The following PAMR1 variants were observed in gnomAD, a reference collection of about 807,000 sequenced individuals.
PAMR1 encodes inactive serine protease PAMR1.
A neutral mutation model predicts 81.8 loss-of-function variants in PAMR1; 88 were observed. The observed-to-expected ratio is 1.08, with a 90% CI of 0.91 to 1.28. The LOEUF (loss-of-function observed/expected upper bound fraction) is 1.28. Among genes scored for constraint, PAMR1 ranks in the 50% most tolerant of loss-of-function variants. The pLI is 0.00. For missense variants in PAMR1, 935 were observed against 919.7 expected, an observed-to-expected ratio of 1.02 and a Z score of -0.21; for synonymous variants, 336 against 345.3, an observed-to-expected ratio of 0.97 and a Z score of 0.30.
chr11:35,436,656 TCA>T (rs34951313), intron 8 of PAMR1, among the ~76,000 whole-genome samples: 11,800 of 144,306 alleles, frequency 0.082, 517 homozygotes, highest in Admixed American at 0.15. Flanking sequence ...TCTCTCTCTG[TCA>T]CACACACACA....
In PAMR1 at chr11:35,456,076, A is replaced by C. The variant is rs577300776; in HGVS notation, c.820+11925T>G. On this transcript the variant is annotated intron_variant, in intron 6 of 10. Coordinates refer to ENST00000619888, the MANE Select transcript of PAMR1 (RefSeq NM_001001991.3). ...TTACTTCTTTGGGCCAACTCAATTC[A>C]TTCTGACCAGAAAAGGAGAAAGACA... is the stretch of plus-strand genomic sequence containing the variant. Among the ~76,000 whole-genome samples the C allele has an allele frequency of 2.6e-5, 4 of 152,332 alleles. No homozygotes were observed. In the South Asian group the frequency reaches 8.3e-4, roughly 32 times the overall value.
intron 4 of PAMR1, among the ~76,000 whole-genome samples, chr11:35,473,581 C>G (rs7949277): frequency 0.68 from 103,292 of 152,036 alleles, 35,361 homozygotes; most frequent in African/African-American, 0.77. Context: ...CCCAACCCCA[C>G]GTCCTCAGGG....
chr11:35,500,488 G>C (rs538118496), intron 1 of PAMR1, among the ~76,000 whole-genome samples: 1 of 152,142 alleles, frequency 6.6e-6, no homozygotes, highest in Non-Finnish European at 1.5e-5. Flanking sequence ...GAAGACATTG[G>C]TCAAACGACC....
intron 6 of PAMR1, among the ~76,000 whole-genome samples, chr11:35,463,602 T>C (rs1289654958): frequency 6.6e-6 from 1 of 152,206 alleles, no homozygotes; most frequent in Non-Finnish European, 1.5e-5. Flanking sequence ...CCCAGTTTCC[T>C]ACACGGTGGC....
At chr11:35,522,560 G>A (rs559397347) in intron 1 of PAMR1, among the ~76,000 whole-genome samples, 52 of 152,262 alleles carry the variant, frequency 3.4e-4, no homozygotes, top group Admixed American at 2.6e-3. Flanking sequence ...ATAATATTCC[G>A]TCGTAGGTGT....
chr11:35,492,119 G>C lies in PAMR1; in HGVS notation c.305C>G (p.Thr102Ser). The change falls in exon 3 of 11, where the codon ACC (threonine) becomes AGC (serine). Residue 102 changes from threonine (T) to serine (S), a missense_variant. Transcript: ENST00000619888. ...KSCRNGSWGG[T>S]LDDFYVKGFY... Reference sequence around the variant, plus strand: ...CCCCTTCACATAGAAGTCATCCAAGGTACCCCCCCATGAGCCATTTCGGCA... The same window carrying C: ...CCCCTTCACATAGAAGTCATCCAAGCTACCCCCCCATGAGCCATTTCGGCA... 1 of 1,614,034 alleles carries C rather than the reference G, an allele frequency of 6.2e-7. No individual in the cohort carries two copies. Among genetic ancestry groups the C allele is most frequent in the Non-Finnish European group, 8.5e-7 (1 of 1,179,926 alleles).
At chr11:35,466,073 ATT>A (rs112087458) in intron 6 of PAMR1, among the ~76,000 whole-genome samples, 17 of 146,342 alleles carry the variant, frequency 1.2e-4, no homozygotes, top group African/African-American at 4.2e-4. Context: ...TTCCAATTCT[ATT>A]TTTTTTTTTT....
At chr11:35,446,962 G>A (rs1856305681) in intron 6 of PAMR1, among the ~76,000 whole-genome samples, 1 of 152,170 alleles carries the variant, frequency 6.6e-6, no homozygotes, top group Admixed American at 6.5e-5. Context: ...TTGTATGGGA[G>A]TGTAAGTCTC....
At chr11:35,509,898 A>G (rs1851041592) in intron 1 of PAMR1, among the ~76,000 whole-genome samples, 1 of 152,242 alleles carries the variant, frequency 6.6e-6, no homozygotes, top group Admixed American at 6.5e-5. Flanking sequence ...GCAAAGCCTT[A>G]TGAAAGCTGC....
chr11:35,447,000 T>G (rs546451069), intron 6 of PAMR1, among the ~76,000 whole-genome samples: 2 of 152,366 alleles, frequency 1.3e-5, no homozygotes, highest in East Asian at 3.9e-4. Flanking sequence ...ACCTGTTTTA[T>G]GAATCTGAGT....
intron 6 of PAMR1, among the ~76,000 whole-genome samples, chr11:35,446,521 A>G (rs1446835532): frequency 6.6e-6 from 1 of 152,160 alleles, no homozygotes. Flanking sequence ...CATCCCAGTG[A>G]TTCCGGTATG....
rs1855922801 is a variant in PAMR1, at chr11:35,432,276, C to G, written c.*80G>C. 7.4e-7 allele frequency: 1 copy of G among 1,357,580 alleles called. No individual in the cohort carries two copies. The highest frequency in any genetic ancestry group is 1.0e-6 in the Non-Finnish European group (1 of 981,786). 84.1% of individuals were successfully genotyped at this position (1,357,580 alleles called of 1,614,324 possible). A position where few individuals can be genotyped will look rare whatever the true frequency, so the allele number is the denominator to read the frequency against. On this transcript the variant is annotated 3_prime_UTR_variant, in exon 11 of 11. Transcript: ENST00000619888. ...CAAGTTCACAGGCCAAATCACACTT[C>G]AGGCCCACACTGCTTCACGCAATGA...
intron 1 of PAMR1, among the ~76,000 whole-genome samples, chr11:35,495,620 C>T (rs972276660): frequency 8.5e-5 from 13 of 152,266 alleles, no homozygotes; most frequent in African/African-American, 3.1e-4. Flanking sequence ...CCCCACAAAA[C>T]CTTCCCAAGA....
chr11:35,449,938 A>G (rs1856376496), intron 6 of PAMR1, among the ~76,000 whole-genome samples: 2 of 152,004 alleles, frequency 1.3e-5, no homozygotes, highest in Admixed American at 1.3e-4. Context: ...AGTCAGTCTC[A>G]ATGAGAGAAC....
At chr11:35,446,171 G>A (rs1406566430) in intron 6 of PAMR1, among the ~76,000 whole-genome samples, 1 of 152,040 alleles carries the variant, frequency 6.6e-6, no homozygotes, top group Non-Finnish European at 1.5e-5. Flanking sequence ...GGGGTTAGTG[G>A]TGATATCCCC....
intron 1 of PAMR1, among the ~76,000 whole-genome samples, chr11:35,517,850 T>G (rs1372869735): frequency 6.6e-6 from 1 of 152,232 alleles, no homozygotes; most frequent in Non-Finnish European, 1.5e-5. Flanking sequence ...GATAGGGGCT[T>G]GATAAGGATT....
upstream of PAMR1, among the ~76,000 whole-genome samples, chr11:35,529,655 CT>C (rs759267151): frequency 2.0e-5 from 3 of 152,140 alleles, no homozygotes; most frequent in Non-Finnish European, 4.4e-5. Flanking sequence ...CTAAAATATA[CT>C]AAGATATCAG....
At chr11:35,528,220 C>T (rs1028375945), upstream of PAMR1, among the ~76,000 whole-genome samples, 1 of 152,166 alleles carries the variant, frequency 6.6e-6, no homozygotes, top group Non-Finnish European at 1.5e-5. Flanking sequence ...TGTTCTCCCC[C>T]CATTTTCCTA....
chr11:35,525,462 G>C, intron 1 of PAMR1, 51 bp downstream of exon 1: 1 of 1,473,514 alleles, frequency 6.8e-7, no homozygotes, highest in Non-Finnish European at 9.4e-7. Context: ...GGAGGAAAAT[G>C]CTCCCTCCTA....
Sources: allele counts gnomAD v4.1 joint callset (sites outside exome capture counted in the v4.1 genomes callset), GRCh38; gene constraint gnomAD v4.1.1; transcripts MANE v1.5; gene names NCBI Gene and HGNC (gene_info 2026-07-23, HGNC 2026-07-21).